LEPR: variants seen among roughly 807,000 people sequenced by gnomAD.
The protein encoded by LEPR is OB receptor.
LEPR carries 56 observed loss-of-function variants against 114.7 expected under a neutral mutation model. That is an observed-to-expected ratio of 0.49 (90% CI 0.39 to 0.61). LEPR has a LOEUF of 0.61. Among genes scored for constraint, LEPR ranks in the 20% least tolerant of loss-of-function variants. LEPR has a pLI of 0.00. For synonymous variants in LEPR, 443 were observed against 461.4 expected (o/e 0.96, Z 0.51); for missense variants, 1,202 against 1,352.9 (o/e 0.89, Z 1.75).
intron 5 of LEPR, among the ~76,000 whole-genome samples, chr1:65,572,666 C>T (rs1252330819): frequency 2.6e-5 from 4 of 152,108 alleles, no homozygotes; most frequent in Admixed American, 2.6e-4. Context: ...TTGTCAGGTC[C>T]ATGAGTATAC....
intron 2 of LEPR, among the ~76,000 whole-genome samples, chr1:65,548,123 A>C (rs1394207410): frequency 6.6e-6 from 1 of 152,078 alleles, no homozygotes; most frequent in Non-Finnish European, 1.5e-5. Context: ...TGTCTTTGAG[A>C]GAGTTTCTGA....
chr1:65,545,192 A>C (rs1651591135), intron 2 of LEPR, among the ~76,000 whole-genome samples: 2 of 146,048 alleles, frequency 1.4e-5, no homozygotes, highest in African/African-American at 5.1e-5. Flanking sequence ...ACATTTTCTT[A>C]ATCCAGTCTA....
intron 2 of LEPR, among the ~76,000 whole-genome samples, chr1:65,552,097 G>C (rs1387590327): frequency 1.3e-5 from 2 of 152,028 alleles, no homozygotes; most frequent in African/African-American, 4.8e-5. Context: ...CTGTTCTTTT[G>C]CATTTGCTGA....
chr1:65,447,588 A>G (rs1383720277), intron 2 of LEPR, among the ~76,000 whole-genome samples: 1 of 150,436 alleles, frequency 6.6e-6, no homozygotes, highest in Non-Finnish European at 1.5e-5. Context: ...CTGGAGTGCA[A>G]TGGTGCAATC....
At chr1:65,452,556 G>A (rs1203466064) in intron 2 of LEPR, among the ~76,000 whole-genome samples, 1 of 152,044 alleles carries the variant, frequency 6.6e-6, no homozygotes, top group Non-Finnish European at 1.5e-5. Context: ...TTTGTCTTTG[G>A]TTCTATTTAT....
At chr1:65,465,971 CTT>C (rs1164116071) in intron 2 of LEPR, among the ~76,000 whole-genome samples, 2 of 152,188 alleles carry the variant, frequency 1.3e-5, no homozygotes, top group Non-Finnish European at 2.9e-5. Flanking sequence ...GGTCTTGACT[CTT>C]TATCCAATTT....
intron 19 of LEPR, among the ~76,000 whole-genome samples, chr1:65,627,244 A>G (rs1658272632): frequency 6.6e-6 from 1 of 152,200 alleles, no homozygotes; most frequent in African/African-American, 2.4e-5. Flanking sequence ...ATGCCACTAA[A>G]TTATACACTT....
chr1:65,461,354 G>A (rs148842511), intron 2 of LEPR, among the ~76,000 whole-genome samples: 117 of 152,218 alleles, frequency 7.7e-4, no homozygotes, highest in African/African-American at 2.7e-3. Context: ...TAGCACTGGG[G>A]CAGGAAATAC....
chr1:65,572,180 C>G (rs1211244454), intron 4 of LEPR, 146 bp from the exon 5 acceptor site: 2 of 1,134,306 alleles, frequency 1.8e-6, no homozygotes, highest in East Asian at 2.7e-5. Context: ...AAAGCTTGTT[C>G]TTTTTCTCTC....
intron 2 of LEPR, among the ~76,000 whole-genome samples, chr1:65,544,896 G>T (rs201435603): frequency 6.8e-6 from 1 of 147,782 alleles, no homozygotes; most frequent in African/African-American, 2.5e-5. Flanking sequence ...ATGCTGGTGT[G>T]CTGCACCCAT....
intron 2 of LEPR, chr1:65,435,830 C>T: frequency 4.1e-6 from 4 of 982,900 alleles, no homozygotes; most frequent in Middle Eastern, 5.2e-4. Flanking sequence ...ATTTAATTCT[C>T]CTTTTTCCAT....
chr1:65,486,736 G>A (rs1259617662), intron 2 of LEPR, among the ~76,000 whole-genome samples: 2 of 152,104 alleles, frequency 1.3e-5, no homozygotes, highest in Admixed American at 6.6e-5. Flanking sequence ...AAGCCTCATG[G>A]AGGCTAACAT....
intron 2 of LEPR, among the ~76,000 whole-genome samples, chr1:65,484,083 CT>C (rs1647352293): frequency 6.6e-6 from 1 of 152,046 alleles, no homozygotes; most frequent in African/African-American, 2.4e-5. Flanking sequence ...TCTCGAACCC[CT>C]AGCTTCAAGA....
intron 10 of LEPR, among the ~76,000 whole-genome samples, chr1:65,603,651 A>G (rs1570796674): frequency 6.6e-6 from 1 of 151,856 alleles, no homozygotes. Flanking sequence ...AGCCCAACAC[A>G]AATTTATAAA....
At chr1:65,584,709 A>G (rs745978222) in intron 5 of LEPR, among the ~76,000 whole-genome samples, 10 of 152,122 alleles carry the variant, frequency 6.6e-5, no homozygotes, top group Non-Finnish European at 1.2e-4. Flanking sequence ...TACTAAGGCT[A>G]ATGGGTACAT....
chr1:65,458,171 G>T (rs1487941010), intron 2 of LEPR, among the ~76,000 whole-genome samples: 1 of 152,184 alleles, frequency 6.6e-6, no homozygotes, highest in Non-Finnish European at 1.5e-5. Context: ...ACAAATTATG[G>T]TAATAGTGGA....
chr1:65,544,885 C>A (rs1291187480), intron 2 of LEPR, among the ~76,000 whole-genome samples: 1 of 150,226 alleles, frequency 6.7e-6, no homozygotes, highest in African/African-American at 2.5e-5. Flanking sequence ...ATACATGTGC[C>A]ATGCTGGTGT....
Position 65,572,331 on chromosome 1 carries a change from A to G in LEPR, c.376A>G (p.Asn126Asp), listed in dbSNP as rs772677923. 4 of 1,529,562 alleles carry G rather than the reference A, an allele frequency of 2.6e-6. No individual in the cohort carries two copies. Among genetic ancestry groups the G allele is most frequent in the East Asian group, 4.6e-5 (2 of 43,490 alleles). 94.7% of individuals were successfully genotyped at this position (1,529,562 alleles called of 1,614,324 possible). The change falls in exon 5 of 20, where the codon AAC becomes GAC. Residue 126 changes from asparagine (N) to aspartate (D), a missense_variant. Coordinates refer to ENST00000349533, the MANE Select transcript of LEPR (RefSeq NM_002303.6). ...NSLVFQQIDANWNIQCWLKGD... is the reference protein window; with the variant it reads ...NSLVFQQIDADWNIQCWLKGD... ...TTTTTTTTTTTTAAATTCAGATGCA[A>G]ACTGGAACATACAGTGCTGGCTAAA...
intron 2 of LEPR, among the ~76,000 whole-genome samples, chr1:65,537,443 G>A (rs1444236116): frequency 6.6e-6 from 1 of 151,974 alleles, no homozygotes; most frequent in Non-Finnish European, 1.5e-5. Flanking sequence ...TAAATTGTAT[G>A]TTTATACTGT....
Sources: gnomAD v4.1 joint callset for allele counts (sites outside exome capture counted in the v4.1 genomes callset) on GRCh38, gnomAD v4.1.1 for gene constraint, MANE v1.5 for transcripts, NCBI Gene and HGNC (gene_info 2026-07-23, HGNC 2026-07-21) for gene names.